The following RUBCN variants were observed in gnomAD, a reference collection of about 807,000 sequenced individuals.
RUBCN encodes the protein rubicon autophagy regulator.
RUBCN carries 74 observed loss-of-function variants against 113.2 expected under a neutral mutation model. The ratio of observed to expected loss-of-function variants is 0.65; its 90% confidence interval spans 0.54 to 0.79. The LOEUF is 0.79. Ranked by LOEUF, RUBCN falls within the 30% of genes least tolerant of loss-of-function variation. RUBCN has a pLI of 0.00. For missense variants in RUBCN, 1,109 were observed against 1,251.7 expected (o/e 0.89, Z 1.72); for synonymous variants, 480 against 490.0 (o/e 0.98, Z 0.27).
intron 7 of RUBCN, among the ~76,000 whole-genome samples, chr3:197,698,011 G>A (rs745819028): frequency 2.6e-5 from 4 of 152,166 alleles, no homozygotes; most frequent in Admixed American, 6.5e-5. Context: ...TAGTCGCCAC[G>A]ATGCCTTGGT....
upstream of RUBCN, among the ~76,000 whole-genome samples, chr3:197,739,885 G>GA (rs1216673988): frequency 6.6e-5 from 10 of 151,358 alleles, no homozygotes; most frequent in Admixed American, 5.3e-4. Context: ...AAAATACAAA[G>GA]AAAAAATAGT....
In RUBCN at chr3:197,705,566, GAAAAAAA is replaced by G. The variant is rs1023962921; in HGVS notation, c.220-398_220-392del. Among the ~76,000 whole-genome samples, 5 of 42,510 alleles carry G rather than the reference GAAAAAAA, an allele frequency of 1.2e-4. No individual in the cohort carries two copies. The East Asian group carries it at 3.5e-3, about 30-fold the overall frequency. 27.9% of individuals were successfully genotyped at this position (42,510 alleles called of 152,430 possible). A position where few individuals can be genotyped will look rare whatever the true frequency, so the allele number is the denominator to read the frequency against. ...GGCAACAGAGTGAGACCCTAACTCAGAAAAAAAAAAAAAAAAAAGAAAAGGAATTAAA... is the reference window on the plus strand; with the variant it reads ...GGCAACAGAGTGAGACCCTAACTCAGAAAAAAAAAAAGAAAAGGAATTAAA... On this transcript the variant is annotated intron_variant, in intron 2 of 19. Transcript: ENST00000296343.
chr3:197,703,432 A>ATAAAAT (rs376307898), intron 5 of RUBCN, 116 bp downstream of exon 5: 1 of 427,910 alleles, frequency 2.3e-6, no homozygotes, highest in African/African-American at 2.5e-5. Context: ...AAAAAAAAAA[A>ATAAAAT]TGCAAGCCTT....
chr3:197,681,868 G>A lies in RUBCN; in HGVS notation c.2158C>T (p.Arg720Cys), dbSNP rs374416455. 5.1e-5 allele frequency: 82 copies of A among 1,613,946 alleles called. No individual in the cohort carries two copies. Among genetic ancestry groups the A allele is most frequent in the Non-Finnish European group, 6.4e-5 (75 of 1,179,948 alleles). ...GTCCGGATGCCACATCCTGCACAGC[G>A]GTAATTCTGCTTGGCCACGGCAATT... ...RKIAVAKQNY[R>C]CAGCGIRTDP... The change falls in exon 15 of 20, where the codon CGC becomes TGC. Residue 720 changes from arginine (R) to cysteine (C), a missense_variant. Coordinates refer to ENST00000296343, the MANE Select transcript of RUBCN (RefSeq NM_014687.4). The surrounding 1 kb of genome is among the most constrained non-coding windows in gnomAD (Gnocchi z 5.5).
chr3:197,676,556 G>A (rs1056273697), intron 18 of RUBCN: 100 of 1,141,294 alleles, frequency 8.8e-5, no homozygotes, highest in African/African-American at 2.1e-4. Context: ...CAGGTGACCC[G>A]CCCACCTCGG....
At chr3:197,737,375 T>C (rs796458044), upstream of RUBCN, 7 of 150,736 alleles carry the variant, frequency 4.6e-5, no homozygotes, top group African/African-American at 1.7e-4. Flanking sequence ...CAGGTTGCTT[T>C]GGGATCATAA....
At chr3:197,680,825 CAT>C (rs1010109552) in intron 16 of RUBCN, among the ~76,000 whole-genome samples, 1 of 152,006 alleles carries the variant, frequency 6.6e-6, no homozygotes, top group Admixed American at 6.6e-5. Flanking sequence ...TCCTAGCTGC[CAT>C]TGCCACGTTT....
chr3:197,746,037 GGAAA>G (rs1413932240), intron 1 of RUBCN, among the ~76,000 whole-genome samples: 1 of 151,992 alleles, frequency 6.6e-6, no homozygotes, highest in East Asian at 1.9e-4. Flanking sequence ...TCTCAAAAAA[GGAAA>G]GAAAGAAAGA....
At chr3:197,746,179 A>G (rs1160997735) in intron 1 of RUBCN, among the ~76,000 whole-genome samples, 1 of 152,250 alleles carries the variant, frequency 6.6e-6, no homozygotes, top group Admixed American at 6.5e-5. Context: ...CTAAGTATAA[A>G]GTTTACTGCA....
At chr3:197,690,385 C>T (rs1039292679) in intron 11 of RUBCN, among the ~76,000 whole-genome samples, 2 of 152,170 alleles carry the variant, frequency 1.3e-5, no homozygotes, top group Non-Finnish European at 2.9e-5. Context: ...TTGCAGTGAG[C>T]CGAGATTGCG....
Position 197,714,624 on chromosome 3 carries a change from G to A in RUBCN, c.219+3353C>T, listed in dbSNP as rs9812670. On this transcript the variant is annotated intron_variant, in intron 2 of 19. Coordinates refer to ENST00000296343, the MANE Select transcript of RUBCN (RefSeq NM_014687.4). The stretch of plus-strand genomic sequence containing the variant: ...GAATTATAGGCATGAACCACCACGC[G>A]CAGCCAAGTATACACACTTTAATAC... Among the ~76,000 whole-genome samples, 178 of 152,114 alleles carry A rather than the reference G, an allele frequency of 1.2e-3. 1 individual carries two copies. The highest frequency in any genetic ancestry group is 3.6e-3 in the African/African-American group (151 of 41,486).
chr3:197,729,683 G>A (rs1727201335), intron 1 of RUBCN, among the ~76,000 whole-genome samples: 1 of 152,098 alleles, frequency 6.6e-6, no homozygotes, highest in Non-Finnish European at 1.5e-5. Flanking sequence ...CTAGCCTCCT[G>A]AGTAGCTGGG....
chr3:197,730,767 G>A (rs1727334140), intron 1 of RUBCN, among the ~76,000 whole-genome samples: 1 of 151,566 alleles, frequency 6.6e-6, no homozygotes, highest in African/African-American at 2.4e-5. Context: ...GAGATAATGG[G>A]AGTGCTAGAA....
chr3:197,749,453 A>C lies in RUBCN; in HGVS notation c.-300T>G, dbSNP rs566776828. On this transcript the variant is annotated 5_prime_UTR_variant, in exon 1 of 21. Coordinates refer to the RUBCN transcript ENST00000273582. ...AGATGCGGCAGCTCAGCGCAGCTGT[A>C]GGTGGAGGAGCGTGCCAGGGAGGGG... is the stretch of plus-strand genomic sequence containing the variant. The C allele has an allele frequency of 5.1e-5, 64 of 1,261,222 alleles. No homozygotes were observed. In the African/African-American group the frequency reaches 9.2e-4, roughly 18 times the overall value. The allele number at this position is 1,261,222 out of a possible 1,614,324, so 78.1% of individuals were successfully genotyped here.
At position 197,677,374 on chromosome 3, in the gene RUBCN, A is replaced by G. The variant is rs973261706; in HGVS notation, c.2492+106T>C. ...CTGTTTACCACTTTACAGTTCTGCA[A>G]AATCTCTCTACTCTCCTTCGTTACA... is the stretch of plus-strand genomic sequence containing the variant. On this transcript the variant is annotated intron_variant, in intron 17 of 19. Transcript: ENST00000296343. The G allele has an allele frequency of 8.1e-6, 8 of 988,166 alleles. No individual in the cohort carries two copies. In the Middle Eastern group the frequency reaches 6.2e-4, roughly 77 times the overall value. The allele number at this position is 988,166 out of a possible 1,614,324, so 61.2% of individuals were successfully genotyped here.
At chr3:197,707,354 A>G (rs2108926119) in intron 2 of RUBCN, among the ~76,000 whole-genome samples, 2 of 152,242 alleles carry the variant, frequency 1.3e-5, no homozygotes, top group Middle Eastern at 6.8e-3. Context: ...AAAGCATGTA[A>G]AATTGGTTTC....
intron 7 of RUBCN, among the ~76,000 whole-genome samples, chr3:197,699,609 A>C (rs1227451874): frequency 6.6e-6 from 1 of 152,170 alleles, no homozygotes; most frequent in Admixed American, 6.5e-5. Flanking sequence ...AAGAAAGCTC[A>C]TGGGAAGACA....
intron 2 of RUBCN, among the ~76,000 whole-genome samples, chr3:197,705,852 C>G (rs770071131): frequency 6.6e-6 from 1 of 152,034 alleles, no homozygotes; most frequent in Non-Finnish European, 1.5e-5. Context: ...CTCAGCCTCC[C>G]GAACAGCTAG....
Position 197,669,610 on chromosome 3 carries a change from A to G in RUBCN, c.*5408T>C, listed in dbSNP as rs1328362333. 6.6e-6 allele frequency among the ~76,000 whole-genome samples: 1 copy of G among 152,168 alleles called. No individual in the cohort carries two copies. The highest frequency in any genetic ancestry group is 1.5e-5 in the Non-Finnish European group (1 of 68,030). Reference sequence around the variant, plus strand: ...TTGATTACTTGGTTAAGGTCGTGTTAGCTCTCTCTACTCTAAAGTTGCTAT... The same window carrying G: ...TTGATTACTTGGTTAAGGTCGTGTTGGCTCTCTCTACTCTAAAGTTGCTAT... On this transcript the variant is annotated 3_prime_UTR_variant, in exon 20 of 20. Transcript: ENST00000296343.
Sources: gnomAD v4.1 joint callset for allele counts (sites outside exome capture counted in the v4.1 genomes callset) on GRCh38, gnomAD v4.1.1 for gene constraint, Gnocchi (gnomAD v3.1) non-coding constraint, MANE v1.5 for transcripts, NCBI Gene and HGNC (gene_info 2026-07-23, HGNC 2026-07-21) for gene names.